Variants in PCMTD1 observed in about 807,000 individuals in gnomAD.
PCMTD1 encodes the protein protein-L-isoaspartate O-methyltransferase domain-containing protein 1.
PCMTD1 carries 12 observed loss-of-function variants against 37.6 expected under a neutral mutation model. The ratio of observed to expected loss-of-function variants is 0.32; its 90% CI spans 0.20 to 0.52. The LOEUF is 0.52. Ranked by LOEUF, PCMTD1 falls within the 20% of genes least tolerant of loss-of-function variation. The probability of loss-of-function intolerance (pLI) is 0.97; values close to 1 mark genes in which losing one functional copy is unlikely to be tolerated. For synonymous variants in PCMTD1, 117 were observed against 135.8 expected (o/e 0.86, Z 0.96); for missense variants, 235 against 421.3 (o/e 0.56, Z 3.87).
At chr8:51,859,892 T>G (rs2038446238) in intron 2 of PCMTD1, among the ~76,000 whole-genome samples, 1 of 123,038 alleles carries the variant, frequency 8.1e-6, no homozygotes, top group African/African-American at 2.5e-5. Context: ...TCAGACTAGA[T>G]GAAGGCTGTT....
upstream of PCMTD1, chr8:51,899,079 TCC>T: frequency 1.3e-6 from 2 of 1,488,726 alleles, no homozygotes; most frequent in Non-Finnish European, 1.8e-6. Context: ...AGCCAGAGCC[TCC>T]CGGACTCCGG....
chr8:51,824,367 C>T (rs750794466), intron 5 of PCMTD1, among the ~76,000 whole-genome samples: 1 of 152,124 alleles, frequency 6.6e-6, no homozygotes, highest in South Asian at 2.1e-4. Flanking sequence ...ACAAAATCAA[C>T]GTGCAAAAAT....
At chr8:51,824,350 C>T (rs1020367407) in intron 5 of PCMTD1, among the ~76,000 whole-genome samples, 3 of 152,212 alleles carry the variant, frequency 2.0e-5, no homozygotes, top group Non-Finnish European at 4.4e-5. Flanking sequence ...TTAGCAAAGT[C>T]TCAGATACAA....
chr8:51,857,946 C>T (rs908803330), intron 2 of PCMTD1, among the ~76,000 whole-genome samples: 2 of 152,022 alleles, frequency 1.3e-5, no homozygotes, highest in African/African-American at 2.4e-5. Flanking sequence ...GAGCCAAGAC[C>T]GTGTCACCAC....
At chr8:51,865,215 C>T (rs1007981171) in intron 1 of PCMTD1, among the ~76,000 whole-genome samples, 1 of 152,070 alleles carries the variant, frequency 6.6e-6, no homozygotes, top group Non-Finnish European at 1.5e-5. Flanking sequence ...AAAAGCTCAG[C>T]ACCAGATGCC....
chr8:51,883,667 A>T (rs1441904965), intron 1 of PCMTD1, among the ~76,000 whole-genome samples: 19 of 152,222 alleles, frequency 1.2e-4, no homozygotes, highest in Non-Finnish European at 1.5e-5. Flanking sequence ...GTATTTTCTA[A>T]ATCATTCCCT....
At chr8:51,889,704 T>C (rs1182128496) in intron 1 of PCMTD1, among the ~76,000 whole-genome samples, 2 of 152,180 alleles carry the variant, frequency 1.3e-5, no homozygotes, top group African/African-American at 4.8e-5. Context: ...AAGTATCAAA[T>C]TTAACAGGGT....
Position 51,819,480 on chromosome 8 carries a change from T to C in PCMTD1, c.*871A>G, listed in dbSNP as rs74525473. 7 of 152,320 alleles carry C rather than the reference T, an allele frequency of 4.6e-5. No homozygotes were observed. The highest frequency in any genetic ancestry group is 7.3e-5 in the Non-Finnish European group (5 of 68,042). 9.4% of individuals were successfully genotyped at this position (152,320 alleles called of 1,614,324 possible). A position where few individuals can be genotyped will look rare whatever the true frequency, so the allele number is the denominator to read the frequency against. On this transcript the variant is annotated 3_prime_UTR_variant, in exon 6 of 6. Transcript: ENST00000522514. ...CTCATGCTCATTCACTCGTTCTGTG[T>C]CCTATCAAGAGTCACACATAACAAT...
intron 1 of PCMTD1, among the ~76,000 whole-genome samples, chr8:51,881,990 C>A (rs2038799025): frequency 6.6e-6 from 1 of 152,170 alleles, no homozygotes; most frequent in Non-Finnish European, 1.5e-5. Flanking sequence ...CACTCAGATG[C>A]CACTAATGAG....
chr8:51,871,830 T>G (rs1226124438), intron 1 of PCMTD1, among the ~76,000 whole-genome samples: 1 of 152,208 alleles, frequency 6.6e-6, no homozygotes, highest in Non-Finnish European at 1.5e-5. Flanking sequence ...TATGTTTTCT[T>G]CTATATTCTC....
intron 1 of PCMTD1, among the ~76,000 whole-genome samples, chr8:51,887,619 A>G (rs183232856): frequency 1.2e-4 from 19 of 152,080 alleles, no homozygotes; most frequent in African/African-American, 3.9e-4. Flanking sequence ...AAAACTATCA[A>G]TCATTTGGTA....
At chr8:51,899,175 A>T, upstream of PCMTD1, 1 of 1,297,046 alleles carries the variant, frequency 7.7e-7, no homozygotes, top group Non-Finnish European at 9.9e-7. Flanking sequence ...AGGCCGGGAG[A>T]CGCCCCCATC....
intron 1 of PCMTD1, among the ~76,000 whole-genome samples, chr8:51,887,427 C>T (rs183079840): frequency 6.6e-6 from 1 of 152,244 alleles, no homozygotes; most frequent in African/African-American, 2.4e-5. Context: ...AAAGGATCAG[C>T]AGAAGAAATA....
intron 1 of PCMTD1, among the ~76,000 whole-genome samples, chr8:51,861,825 A>T (rs571487453): frequency 6.6e-6 from 1 of 151,048 alleles, no homozygotes; most frequent in South Asian, 2.1e-4. Context: ...TAATCCTCCC[A>T]CCTCAGCCTC....
At chr8:51,847,485 G>A (rs1563344494) in intron 2 of PCMTD1, among the ~76,000 whole-genome samples, 1 of 152,016 alleles carries the variant, frequency 6.6e-6, no homozygotes, top group Non-Finnish European at 1.5e-5. Flanking sequence ...AAATTAGTCA[G>A]GTGTGGTGGT....
chr8:51,898,831 GC>G, intron 1 of PCMTD1, 98 bp downstream of exon 1: 1 of 1,142,592 alleles, frequency 8.8e-7, no homozygotes, highest in Non-Finnish European at 1.1e-6. Context: ...CGTCCCCCTG[GC>G]CCTCTGGCCT....
chr8:51,839,092 C>A (rs569569963), intron 3 of PCMTD1, among the ~76,000 whole-genome samples: 2 of 66,744 alleles, frequency 3.0e-5, no homozygotes, highest in African/African-American at 2.6e-5. Context: ...CATTTTTATT[C>A]TTTGAAAAAA....
At chr8:51,864,033 A>T (rs1278878045) in intron 1 of PCMTD1, among the ~76,000 whole-genome samples, 1 of 152,182 alleles carries the variant, frequency 6.6e-6, no homozygotes, top group Non-Finnish European at 1.5e-5. Context: ...TATGAAAAAG[A>T]CTCACTTTAG....
Position 51,898,816 on chromosome 8 carries a change from G to A in PCMTD1, c.-96+114C>T, listed in dbSNP as rs1293724445. The A allele has an allele frequency of 3.8e-6, 4 of 1,059,126 alleles. No individual in the cohort carries two copies. The African/African-American group carries it at 6.6e-5, about 17-fold the overall frequency. 65.6% of individuals were successfully genotyped at this position (1,059,126 alleles called of 1,614,324 possible). A position where few individuals can be genotyped will look rare whatever the true frequency, so the allele number is the denominator to read the frequency against. On this transcript the variant is annotated intron_variant, in intron 1 of 5. Coordinates refer to ENST00000522514, the MANE Select transcript of PCMTD1 (RefSeq NM_052937.4). ...AAGTCCCCCTGCCCCCGACTCTTCGGCTGCCGTCCCCCTGGCCCTCTGGCC... is the reference window on the plus strand; with the variant it reads ...AAGTCCCCCTGCCCCCGACTCTTCGACTGCCGTCCCCCTGGCCCTCTGGCC...
Sources: gnomAD v4.1 joint callset for allele counts (sites outside exome capture counted in the v4.1 genomes callset) on GRCh38, gnomAD v4.1.1 for gene constraint, MANE v1.5 for transcripts, NCBI Gene and HGNC (gene_info 2026-07-23, HGNC 2026-07-21) for gene names.